PTPRO: variants seen among roughly 807,000 people sequenced by gnomAD.
PTPRO encodes receptor-type tyrosine-protein phosphatase O.
Under a neutral mutation model 145.2 loss-of-function variants are expected in PTPRO, and 62 were observed. The observed-to-expected ratio is 0.43, with a 90% CI of 0.35 to 0.53. The LOEUF is 0.53. Ranked by LOEUF, PTPRO falls within the 20% of genes least tolerant of loss-of-function variation. The pLI is 0.01. For missense variants in PTPRO, 1,345 were observed against 1,482.7 expected, an observed-to-expected ratio of 0.91 and a Z score of 1.53; for synonymous variants, 565 against 514.7, an observed-to-expected ratio of 1.10 and a Z score of -1.32.
In PTPRO at chr12:15,596,999, G is replaced by GA. The variant is rs1227775027; in HGVS notation, c.*930dup. 6.6e-6 allele frequency: 1 copy of GA among 152,616 alleles called. No homozygotes were observed. Among genetic ancestry groups the GA allele is most frequent in the African/African-American group, 2.4e-5 (1 of 41,424 alleles). 9.5% of individuals were successfully genotyped at this position (152,616 alleles called of 1,614,324 possible). A position where few individuals can be genotyped will look rare whatever the true frequency, so the allele number is the denominator to read the frequency against. On this transcript the variant is annotated 3_prime_UTR_variant, in exon 27 of 27. Transcript: ENST00000281171. ...TTTCTTTAAGAACTATATAGGCTGTGAAAACGCACTTTCTTTCCCCCAAAG... is the reference window on the plus strand; with the variant it reads ...TTTCTTTAAGAACTATATAGGCTGTGAAAAACGCACTTTCTTTCCCCCAAAG...
chr12:15,544,917 C>T (rs1943251600), intron 12 of PTPRO, among the ~76,000 whole-genome samples: 1 of 152,170 alleles, frequency 6.6e-6, no homozygotes, highest in East Asian at 1.9e-4. Flanking sequence ...GTGAATTTTG[C>T]TTGCCTAAGA....
chr12:15,450,822 A>T (rs1482209319), intron 1 of PTPRO, among the ~76,000 whole-genome samples: 2 of 152,120 alleles, frequency 1.3e-5, no homozygotes, highest in African/African-American at 4.8e-5. Context: ...GCACTACAAG[A>T]ACTGCTAAAA....
intron 1 of PTPRO, among the ~76,000 whole-genome samples, chr12:15,414,188 C>T (rs1405859885): frequency 6.6e-6 from 1 of 152,178 alleles, no homozygotes; most frequent in Non-Finnish European, 1.5e-5. Context: ...AGAAAGGTCT[C>T]CTGTTTGCGT....
intron 18 of PTPRO, among the ~76,000 whole-genome samples, chr12:15,566,012 A>G (rs1216497618): frequency 6.6e-6 from 1 of 152,176 alleles, no homozygotes; most frequent in Non-Finnish European, 1.5e-5. Flanking sequence ...ATTGCAGGAA[A>G]AGGCTTTTAC....
intron 6 of PTPRO, among the ~76,000 whole-genome samples, chr12:15,507,904 G>A (rs1942355990): frequency 6.6e-6 from 1 of 152,188 alleles, no homozygotes; most frequent in Admixed American, 6.5e-5. Flanking sequence ...ACCTTAACAT[G>A]TCTTGAGTCC....
intron 1 of PTPRO, among the ~76,000 whole-genome samples, chr12:15,349,928 C>T (rs1401109384): frequency 1.3e-5 from 2 of 152,062 alleles, no homozygotes; most frequent in African/African-American, 4.8e-5. Flanking sequence ...AAGATAGGGA[C>T]CAAAGTAGAA....
At chr12:15,352,370 G>C (rs181591458) in intron 1 of PTPRO, among the ~76,000 whole-genome samples, 189 of 152,308 alleles carry the variant, frequency 1.2e-3, no homozygotes, top group Non-Finnish European at 1.9e-3. Context: ...AAGGTTTTCA[G>C]CCAGGCGTGG....
At position 15,394,730 on chromosome 12, in the gene PTPRO, T is replaced by C. The variant is rs146423313; in HGVS notation, c.75+71929T>C. Among the ~76,000 whole-genome samples, 486 of 152,320 alleles carry C rather than the reference T, an allele frequency of 3.2e-3. 3 individuals are homozygous for C. The highest frequency in any genetic ancestry group is 0.011 in the African/African-American group (448 of 41,566). On this transcript the variant is annotated intron_variant, in intron 1 of 26. Transcript: ENST00000281171. ...AGATTTTACTTGGCCTTTCCAAATA[T>C]AATGGCTGCTGCTTCATAATCAGGT...
intron 1 of PTPRO, among the ~76,000 whole-genome samples, chr12:15,370,060 T>G (rs975466057): frequency 6.6e-5 from 10 of 151,956 alleles, no homozygotes; most frequent in African/African-American, 2.4e-4. Context: ...TCAAAAAAAA[T>G]TTTAAAAATG....
chr12:15,424,632 A>C (rs1940234172), intron 1 of PTPRO, among the ~76,000 whole-genome samples: 1 of 152,024 alleles, frequency 6.6e-6, no homozygotes, highest in Non-Finnish European at 1.5e-5. Context: ...TAATGGGTGC[A>C]TGAAAGAGGG....
chr12:15,593,796 C>T (rs531859849), intron 25 of PTPRO, among the ~76,000 whole-genome samples: 30 of 152,316 alleles, frequency 2.0e-4, no homozygotes, highest in African/African-American at 7.0e-4. Flanking sequence ...ACTGCCTCAA[C>T]AAACTTGTCA....
At chr12:15,326,076 C>A (rs1866437444) in intron 1 of PTPRO, among the ~76,000 whole-genome samples, 1 of 152,166 alleles carries the variant, frequency 6.6e-6, no homozygotes, top group Non-Finnish European at 1.5e-5. Context: ...GGGGAAATAT[C>A]TGTTTTCCAC....
chr12:15,508,529 G>A (rs772406152), intron 6 of PTPRO, 42 bp from the exon 7 acceptor site: 1 of 1,566,956 alleles, frequency 6.4e-7, no homozygotes, highest in Non-Finnish European at 8.8e-7. Flanking sequence ...CTCAATCAGT[G>A]TAACGTGCAG....
chr12:15,432,395 G>T lies in PTPRO; in HGVS notation c.76-51579G>T, dbSNP rs560912632. ...ATATATAACGCATTTTCTTTATCCA[G>T]TCTACTGCTGATGGGCATTTAGGTT... On this transcript the variant is annotated intron_variant, in intron 1 of 26. Transcript: ENST00000281171. Among the ~76,000 whole-genome samples the T allele has an allele frequency of 3.9e-5, 6 of 152,294 alleles. No homozygotes were observed. The South Asian group carries it at 1.2e-3, about 32-fold the overall frequency.
At position 15,537,934 on chromosome 12, in the gene PTPRO, G is replaced by A. The variant is rs896857514; in HGVS notation, c.2165-8635G>A. Among the ~76,000 whole-genome samples, 50 of 152,144 alleles carry A rather than the reference G, an allele frequency of 3.3e-4. 1 individual carries two copies. The highest frequency in any genetic ancestry group is 1.3e-4 in the Non-Finnish European group (9 of 68,026). ...GAGCAGAGTGAAGATCATGATAGCC[G>A]CTTGTGGATGGTTTCTTCTGATTGA... On this transcript the variant is annotated intron_variant, in intron 12 of 26. Coordinates refer to ENST00000281171, the MANE Select transcript of PTPRO (RefSeq NM_030667.3).
intron 12 of PTPRO, among the ~76,000 whole-genome samples, chr12:15,530,183 T>C (rs962543324): frequency 7.9e-5 from 12 of 152,190 alleles, no homozygotes; most frequent in Non-Finnish European, 1.8e-4. Context: ...GATATAACAA[T>C]TATAAATATC....
chr12:15,344,818 A>G (rs1867139955), intron 1 of PTPRO, among the ~76,000 whole-genome samples: 1 of 152,136 alleles, frequency 6.6e-6, no homozygotes, highest in Non-Finnish European at 1.5e-5. Context: ...AAATCCTGAA[A>G]TGCTTTAATA....
At chr12:15,462,264 A>G (rs1941321571) in intron 1 of PTPRO, among the ~76,000 whole-genome samples, 1 of 152,222 alleles carries the variant, frequency 6.6e-6, no homozygotes, top group East Asian at 1.9e-4. Context: ...AGCTGGAATT[A>G]CAGGCATGCT....
At chr12:15,351,885 A>G (rs986018210) in intron 1 of PTPRO, among the ~76,000 whole-genome samples, 5 of 152,192 alleles carry the variant, frequency 3.3e-5, no homozygotes, top group African/African-American at 1.2e-4. Flanking sequence ...ATCTTTGTAT[A>G]TACTGAAACT....
Sources: allele counts gnomAD v4.1 joint callset (sites outside exome capture counted in the v4.1 genomes callset), GRCh38; gene constraint gnomAD v4.1.1; transcripts MANE v1.5; gene names NCBI Gene and HGNC (gene_info 2026-07-23, HGNC 2026-07-21).